The following DCAF7 variants were observed in gnomAD, a reference collection of about 807,000 sequenced individuals.
DCAF7 encodes DDB1- and CUL4-associated factor 7.
In DCAF7, 4 loss-of-function variants were observed where a neutral mutation model predicts 41.2. The ratio of observed to expected loss-of-function variants is 0.10; its 90% CI spans 0.05 to 0.22. The LOEUF is 0.22. DCAF7 is among the 10% of genes least tolerant of loss of function. The pLI, the probability that DCAF7 is intolerant of heterozygous loss-of-function variation, is 1.00. For synonymous variants in DCAF7, 143 were observed against 164.2 expected (o/e 0.87, Z 0.99); for missense variants, 131 against 443.2 (o/e 0.30, Z 6.32).
chr17:63,583,468 C>G, intron 4 of DCAF7, 34 bp from the exon 5 acceptor site: 1 of 1,587,902 alleles, frequency 6.3e-7, no homozygotes, highest in Non-Finnish European at 8.6e-7. Flanking sequence ...GGTAATGGAT[C>G]TGAATCTGAC....
chr17:63,562,488 G>T (rs558103893), intron 1 of DCAF7, among the ~76,000 whole-genome samples: 1 of 151,938 alleles, frequency 6.6e-6, no homozygotes, highest in Non-Finnish European at 1.5e-5. Flanking sequence ...CATGGACAAA[G>T]TCAAAAGACA....
chr17:63,587,935 G>A (rs961447084), intron 6 of DCAF7, among the ~76,000 whole-genome samples: 13 of 147,184 alleles, frequency 8.8e-5, no homozygotes, highest in South Asian at 2.1e-4. Flanking sequence ...GCAGTGAGCC[G>A]AGATTGCACC....
chr17:63,582,236 G>A (rs574953548), intron 4 of DCAF7, among the ~76,000 whole-genome samples: 1 of 152,010 alleles, frequency 6.6e-6, no homozygotes, highest in Non-Finnish European at 1.5e-5. Flanking sequence ...TTTCTTCATA[G>A]CCAGAAAAAA....
At chr17:63,551,592 C>A (rs1253702286) in intron 1 of DCAF7, among the ~76,000 whole-genome samples, 1 of 151,992 alleles carries the variant, frequency 6.6e-6, no homozygotes, top group East Asian at 1.9e-4. Context: ...ACTGGCATTG[C>A]AACAAACTCA....
chr17:63,553,850 A>C (rs1421389879), intron 1 of DCAF7, among the ~76,000 whole-genome samples: 1 of 152,224 alleles, frequency 6.6e-6, no homozygotes, highest in Non-Finnish European at 1.5e-5. Context: ...CATGTGAATA[A>C]ATTTGGGAAT....
intron 1 of DCAF7, among the ~76,000 whole-genome samples, chr17:63,578,178 A>T (rs2033582687): frequency 6.6e-6 from 1 of 152,120 alleles, no homozygotes; most frequent in Non-Finnish European, 1.5e-5. Context: ...AGCCTGGGCA[A>T]CATGTGAGGC....
At chr17:63,584,733 G>T (rs2033659716) in intron 5 of DCAF7, among the ~76,000 whole-genome samples, 1 of 152,254 alleles carries the variant, frequency 6.6e-6, no homozygotes, top group Admixed American at 6.5e-5. Context: ...CTGCACTCCA[G>T]CCTGGTGACA....
chr17:63,578,196 C>G (rs1745288863), intron 1 of DCAF7, among the ~76,000 whole-genome samples: 1 of 151,912 alleles, frequency 6.6e-6, no homozygotes, highest in Non-Finnish European at 1.5e-5. Context: ...GGCCTTGTCT[C>G]TACAAAAAAT....
chr17:63,561,724 G>T (rs916641593), intron 1 of DCAF7, among the ~76,000 whole-genome samples: 4 of 151,950 alleles, frequency 2.6e-5, no homozygotes, highest in African/African-American at 9.7e-5. Context: ...CATCTCGAAA[G>T]AAGAAAATGT....
Position 63,575,778 on chromosome 17 carries a change from C to T in DCAF7, c.139-2692C>T, listed in dbSNP as rs1254992385. On this transcript the variant is annotated intron_variant, in intron 1 of 6. Transcript: ENST00000614556. Reference sequence around the variant, plus strand: ...CTTAATATTGTAAGATGTCAGTTCTCCCCAGACTGCTCAATAGATTCAACA... The same window carrying T: ...CTTAATATTGTAAGATGTCAGTTCTTCCCAGACTGCTCAATAGATTCAACA... 3.3e-5 allele frequency among the ~76,000 whole-genome samples: 5 copies of T among 152,320 alleles called. No homozygotes were observed. In the South Asian group the frequency reaches 6.2e-4, roughly 19 times the overall value.
At chr17:63,558,477 A>G (rs769913333) in intron 1 of DCAF7, among the ~76,000 whole-genome samples, 2 of 152,254 alleles carry the variant, frequency 1.3e-5, no homozygotes, top group Admixed American at 1.3e-4. Flanking sequence ...CTTGTATAGT[A>G]AAGCTTGGTA....
At chr17:63,571,422 ATTAC>A (rs2033505496) in intron 1 of DCAF7, among the ~76,000 whole-genome samples, 1 of 152,154 alleles carries the variant, frequency 6.6e-6, no homozygotes, top group South Asian at 2.1e-4. Flanking sequence ...GTTAGTATAA[ATTAC>A]TTCTGTAATG....
Position 63,564,158 on chromosome 17 carries a change from CACACAT to C in DCAF7, c.138+13351_138+13356del, listed in dbSNP as rs1229843013. On this transcript the variant is annotated intron_variant, in intron 1 of 6. Transcript: ENST00000614556. The stretch of plus-strand genomic sequence containing the variant: ...TTATACACACACACACACACACACA[CACACAT>C]ACACATATATACACACACACCTGTG... Among the ~76,000 whole-genome samples the C allele has an allele frequency of 2.2e-3, 333 of 152,030 alleles. 3 individuals carry two copies. Among genetic ancestry groups the C allele is most frequent in the African/African-American group, 7.8e-3 (322 of 41,422 alleles).
At chr17:63,585,043 G>A (rs1000657073) in intron 5 of DCAF7, among the ~76,000 whole-genome samples, 168 bp from the exon 6 acceptor site, 4 of 152,136 alleles carry the variant, frequency 2.6e-5, no homozygotes, top group East Asian at 1.9e-4. Flanking sequence ...TCAACTACCC[G>A]TGTCCTTTGT....
chr17:63,585,183 C>T (rs1401922488), intron 5 of DCAF7, 28 bp from the exon 6 acceptor site: 1 of 1,588,348 alleles, frequency 6.3e-7, no homozygotes, highest in African/African-American at 1.3e-5. Flanking sequence ...TCTGATGATC[C>T]CAGGCCTTTT....
chr17:63,575,499 C>T (rs532234342), intron 1 of DCAF7, among the ~76,000 whole-genome samples: 4 of 151,992 alleles, frequency 2.6e-5, no homozygotes, highest in African/African-American at 7.2e-5. Flanking sequence ...CAGGAGTTAG[C>T]GACCAGCCTA....
chr17:63,585,964 A>G (rs1312287814), intron 6 of DCAF7, among the ~76,000 whole-genome samples: 2 of 151,736 alleles, frequency 1.3e-5, no homozygotes, highest in Non-Finnish European at 2.9e-5. Flanking sequence ...TCTACTAAAA[A>G]TACAAAAAAA....
intron 1 of DCAF7, among the ~76,000 whole-genome samples, chr17:63,568,549 C>T (rs1199186959): frequency 6.6e-6 from 1 of 152,104 alleles, no homozygotes; most frequent in Non-Finnish European, 1.5e-5. Context: ...CACTGAAATA[C>T]GTTGAAAGCT....
intron 4 of DCAF7, among the ~76,000 whole-genome samples, chr17:63,580,506 G>GC (rs2033609844): frequency 2.8e-5 from 2 of 72,492 alleles, no homozygotes; most frequent in Non-Finnish European, 5.5e-5. Context: ...ATTTGTGATT[G>GC]CTTTTTTTTT....
Sources: allele counts gnomAD v4.1 joint callset (sites outside exome capture counted in the v4.1 genomes callset), GRCh38; gene constraint gnomAD v4.1.1; transcripts MANE v1.5; gene names NCBI Gene and HGNC (gene_info 2026-07-23, HGNC 2026-07-21).